The following MEF2A variants were observed in gnomAD, a reference collection of about 807,000 sequenced individuals.
The protein encoded by MEF2A is myocyte enhancer factor 2A, also known as myocyte-specific enhancer factor 2A.
MEF2A carries 28 observed loss-of-function variants against 55.8 expected under a neutral mutation model. That is an observed-to-expected ratio of 0.50 (90% CI 0.37 to 0.69). MEF2A has a LOEUF of 0.69. Ranked by LOEUF, MEF2A falls within the 30% of genes least tolerant of loss-of-function variation. The probability of loss-of-function intolerance (pLI) is 0.00; values close to 1 mark genes in which losing one functional copy is unlikely to be tolerated. For synonymous variants in MEF2A, 239 were observed against 227.1 expected (o/e 1.05, Z -0.47); for missense variants, 528 against 626.2 (o/e 0.84, Z 1.67).
chr15:99,610,984 A>G (rs964116634), intron 2 of MEF2A, among the ~76,000 whole-genome samples: 21 of 152,248 alleles, frequency 1.4e-4, no homozygotes, highest in South Asian at 4.1e-4. Flanking sequence ...GCTCATGCCT[A>G]TAATCCCAGC....
intron 9 of MEF2A, 52 bp downstream of exon 9, chr15:99,703,437 A>T: frequency 6.4e-7 from 1 of 1,558,312 alleles, no homozygotes; most frequent in South Asian, 1.2e-5. Flanking sequence ...AGAAAGTACT[A>T]ATTCTCTTAC....
chr15:99,601,693 G>A (rs1160001475), intron 2 of MEF2A, among the ~76,000 whole-genome samples: 2 of 151,798 alleles, frequency 1.3e-5, no homozygotes, highest in African/African-American at 4.8e-5. Flanking sequence ...ATTATCACTT[G>A]GTCATGATGT....
Position 99,712,673 on chromosome 15 carries a change from G to A in MEF2A, c.1420G>A (p.Asp474Asn), listed in dbSNP as rs1289284711. Reference protein sequence around the residue: ...DGSDREDPRGDFHSPIVLGRP... With the variant: ...DGSDREDPRGNFHSPIVLGRP... ...CAGTGATCGGGAGGATCCACGGGGC[G>A]ACTTCCATTCTCCAATTGTGCTTGG... The change falls in exon 12 of 12, where the codon GAC becomes AAC. Residue 474 changes from aspartate (D) to asparagine (N), a missense_variant. Physicochemically the swap from Asp to Asn is conservative, Grantham distance 23. Coordinates refer to ENST00000557942, the MANE Select transcript of MEF2A (RefSeq NM_001319206.4). The surrounding 1 kb of genome is among the most constrained non-coding windows in gnomAD (Gnocchi z 4.1). The A allele has an allele frequency of 6.4e-6, 10 of 1,558,464 alleles. No individual in the cohort carries two copies. Among genetic ancestry groups the A allele is most frequent in the South Asian group, 3.6e-5 (3 of 84,338 alleles).
In MEF2A at chr15:99,712,912, TGTGA is replaced by T. The variant is rs1008224069; in HGVS notation, c.*145_*148del. 8 of 895,080 alleles carry T rather than the reference TGTGA, an allele frequency of 8.9e-6. No individual in the cohort carries two copies. In the African/African-American group the frequency reaches 1.1e-4, roughly 13 times the overall value. 55.4% of individuals were successfully genotyped at this position (895,080 alleles called of 1,614,324 possible). ...CCCTTTACATATATATGTATGTGGG[TGTGA>T]GTGTGTATGTGTGGGTGTGTGTTAC... On this transcript the variant is annotated 3_prime_UTR_variant, in exon 12 of 12. Coordinates refer to ENST00000557942, the MANE Select transcript of MEF2A (RefSeq NM_001319206.4). This position sits in a 1 kb window ranked among gnomAD's most constrained non-coding sequence, Gnocchi z 4.1.
At chr15:99,582,510 T>C (rs756388669) in intron 1 of MEF2A, among the ~76,000 whole-genome samples, 2 of 152,116 alleles carry the variant, frequency 1.3e-5, no homozygotes, top group Non-Finnish European at 2.9e-5. Context: ...ACTAAGGTAA[T>C]AGATGTATAC....
At position 99,713,688 on chromosome 15, in the gene MEF2A, A is replaced by C. The variant is rs2058879602; in HGVS notation, c.*917A>C. On this transcript the variant is annotated 3_prime_UTR_variant, in exon 12 of 12. Transcript: ENST00000557942. The stretch of plus-strand genomic sequence containing the variant: ...AATTATTTATATAAGCCAAAGCTAT[A>C]TGTTGTAACTTTTTTTTAGAGAATA... 6.6e-6 allele frequency: 1 copy of C among 152,160 alleles called. No homozygotes were observed. Among genetic ancestry groups the C allele is most frequent in the Non-Finnish European group, 1.5e-5 (1 of 68,040 alleles). The allele number at this position is 152,160 out of a possible 1,614,324, so 9.4% of individuals were successfully genotyped here.
intron 2 of MEF2A, among the ~76,000 whole-genome samples, chr15:99,617,044 A>G (rs927630350): frequency 1.6e-4 from 25 of 151,988 alleles, no homozygotes; most frequent in African/African-American, 6.0e-4. Flanking sequence ...GTCTTTTTTC[A>G]TGTGATTATG....
intron 2 of MEF2A, among the ~76,000 whole-genome samples, chr15:99,612,614 G>T (rs1377684718): frequency 1.3e-5 from 2 of 152,164 alleles, no homozygotes; most frequent in Non-Finnish European, 2.9e-5. Flanking sequence ...AAGGAGAGGA[G>T]CTGAGATGAG....
chr15:99,598,513 T>A lies in MEF2A; in HGVS notation c.-143+2T>A, dbSNP rs1475090545. On this transcript the variant is annotated splice_donor_variant, in intron 2 of 11. Coordinates refer to ENST00000557942, the MANE Select transcript of MEF2A (RefSeq NM_001319206.4). LOFTEE classifies it low-confidence loss of function (5UTR_SPLICE). ...CTTTTTGCTGATACTTCATTTCTAG[T>A]AAGACATTTTTTCTTTTCTATGTTA... 1 of 152,158 alleles carries A rather than the reference T, an allele frequency of 6.6e-6. No individual in the cohort carries two copies. 9.4% of individuals were successfully genotyped at this position (152,158 alleles called of 1,614,324 possible).
chr15:99,624,227 T>C (rs2041719844), intron 2 of MEF2A, among the ~76,000 whole-genome samples: 1 of 152,266 alleles, frequency 6.6e-6, no homozygotes, highest in Non-Finnish European at 1.5e-5. Flanking sequence ...TTGTTGATGG[T>C]GCTTTTGGTG....
chr15:99,711,177 T>C (rs325402), intron 11 of MEF2A, among the ~76,000 whole-genome samples: 72,937 of 152,092 alleles, frequency 0.48, 18,099 homozygotes, highest in African/African-American at 0.56. Context: ...CATTCAGGCC[T>C]CCCTGCCACC....
intron 10 of MEF2A, among the ~76,000 whole-genome samples, chr15:99,708,064 T>C (rs1405370076): frequency 1.3e-5 from 2 of 152,258 alleles, no homozygotes; most frequent in Non-Finnish European, 2.9e-5. Flanking sequence ...ATTAGTGCCT[T>C]GCACAGAACA....
chr15:99,610,637 A>T (rs567708271), intron 2 of MEF2A, among the ~76,000 whole-genome samples: 1 of 152,268 alleles, frequency 6.6e-6, no homozygotes, highest in South Asian at 2.1e-4. Context: ...TCTAGAAATA[A>T]ACCCATGCAT....
intron 4 of MEF2A, among the ~76,000 whole-genome samples, chr15:99,670,897 A>G (rs2050746367): frequency 6.6e-6 from 1 of 152,256 alleles, no homozygotes; most frequent in Admixed American, 6.5e-5. Flanking sequence ...GCAGAAAGGA[A>G]GAATACGTGA....
intron 4 of MEF2A, among the ~76,000 whole-genome samples, chr15:99,665,453 A>AC (rs2049430480): frequency 2.0e-5 from 3 of 152,156 alleles, no homozygotes; most frequent in Non-Finnish European, 4.4e-5. Flanking sequence ...AAAGATTTAA[A>AC]CGTAAGACCT....
chr15:99,613,334 T>C (rs1287350164), intron 2 of MEF2A, among the ~76,000 whole-genome samples: 1 of 152,186 alleles, frequency 6.6e-6, no homozygotes, highest in Non-Finnish European at 1.5e-5. Flanking sequence ...ATTAGATCAG[T>C]GAGTTTTATT....
rs2055130350 is a variant in MEF2A, at chr15:99,690,317, G to A, written c.747G>A (p.Met249Ile). The A allele has an allele frequency of 6.2e-7, 1 of 1,613,624 alleles. No homozygotes were observed. Among genetic ancestry groups the A allele is most frequent in the Non-Finnish European group, 8.5e-7 (1 of 1,179,782 alleles). The stretch of plus-strand genomic sequence containing the variant: ...GTGCAAATAGCTTAGGCAAAGTCAT[G>A]CCTACAAAGTCTCCCCCTCCACCAG... ...ATGANSLGKV[M>I]PTKSPPPPGG... is the part of the protein sequence containing the mutation. Residue 249 changes from methionine to isoleucine, a missense_variant, in exon 8 of 12, where the codon ATG (methionine) becomes ATA (isoleucine). Met to Ile is a conservative substitution (Grantham distance 10). This residue lies in a region of MEF2A where 450 missense variants were observed against 475.3 expected (regional missense o/e 0.95). Coordinates refer to ENST00000557942, the MANE Select transcript of MEF2A (RefSeq NM_001319206.4).
At chr15:99,636,759 T>C (rs1013653177) in intron 3 of MEF2A, among the ~76,000 whole-genome samples, 3 of 152,238 alleles carry the variant, frequency 2.0e-5, no homozygotes, top group Non-Finnish European at 4.4e-5. Context: ...TTACTTACCA[T>C]AAGGCCATAA....
intron 1 of MEF2A, among the ~76,000 whole-genome samples, chr15:99,571,192 A>AC (rs1020169262): frequency 3.9e-5 from 6 of 151,948 alleles, no homozygotes; most frequent in African/African-American, 1.4e-4. Flanking sequence ...TCCAAAAAAA[A>AC]AAAAACAACA....
Sources: gnomAD v4.1 joint callset for allele counts (sites outside exome capture counted in the v4.1 genomes callset) on GRCh38, gnomAD v4.1.1 for gene constraint, gnomAD v4.1.1 regional missense constraint, Gnocchi (gnomAD v3.1) non-coding constraint, MANE v1.5 for transcripts, NCBI Gene and HGNC (gene_info 2026-07-23, HGNC 2026-07-21) for gene names.